DDAH1: variants seen among roughly 807,000 people sequenced by gnomAD.
The protein encoded by DDAH1 is dimethylarginine dimethylaminohydrolase 1, also known as N(G),N(G)-dimethylarginine dimethylaminohydrolase 1.
In DDAH1, 19 loss-of-function variants were observed where a neutral mutation model predicts 28.8. The observed-to-expected ratio is 0.66, with a 90% confidence interval of 0.46 to 0.97. The LOEUF (loss-of-function observed/expected upper bound fraction) is 0.97, where lower values mean the gene tolerates loss of function less well. Ranked by LOEUF, DDAH1 falls within the 50% of genes least tolerant of loss-of-function variation. DDAH1 has a pLI of 0.00. For missense variants in DDAH1, 326 were observed against 375.9 expected, an observed-to-expected ratio of 0.87 and a Z score of 1.10; for synonymous variants, 153 against 154.4, an observed-to-expected ratio of 0.99 and a Z score of 0.07.
chr1:85,487,563 G>A (rs969666167), intron 2 of DDAH1, among the ~76,000 whole-genome samples: 32 of 151,922 alleles, frequency 2.1e-4, no homozygotes, highest in Admixed American at 2.1e-3. Context: ...AAATGTTTTT[G>A]TTATTAAATG....
intron 1 of DDAH1, among the ~76,000 whole-genome samples, chr1:85,501,494 A>G (rs1656817195): frequency 6.6e-6 from 1 of 152,168 alleles, no homozygotes; most frequent in African/African-American, 2.4e-5. Flanking sequence ...TTGTCCAAAG[A>G]CTTTATAGTA....
At chr1:85,359,241 A>G (rs1444387812) in intron 1 of DDAH1, among the ~76,000 whole-genome samples, 3 of 152,170 alleles carry the variant, frequency 2.0e-5, no homozygotes, top group Non-Finnish European at 4.4e-5. Flanking sequence ...CATTTGTTAG[A>G]GGTTGACTAG....
chr1:85,522,373 T>C (rs1376706629), intron 1 of DDAH1, among the ~76,000 whole-genome samples: 13 of 104,652 alleles, frequency 1.2e-4, no homozygotes, highest in Non-Finnish European at 1.8e-4. Context: ...AGTACATTTA[T>C]TTATTCTAAA....
chr1:85,430,640 T>A (rs1185100939), intron 1 of DDAH1, among the ~76,000 whole-genome samples: 1 of 152,178 alleles, frequency 6.6e-6, no homozygotes, highest in East Asian at 1.9e-4. Flanking sequence ...GATTCCTAAG[T>A]ATTTTATTCT....
intron 2 of DDAH1, chr1:85,495,797 A>T (rs1255041949): frequency 6.6e-6 from 1 of 152,194 alleles, no homozygotes; most frequent in African/African-American, 2.4e-5. Context: ...CTACCTGAAC[A>T]CCCAGAGCTG....
intron 1 of DDAH1, among the ~76,000 whole-genome samples, chr1:85,460,242 AC>A (rs1470707269): frequency 2.6e-5 from 4 of 152,242 alleles, no homozygotes; most frequent in Non-Finnish European, 4.4e-5. Context: ...CAGAGAATAA[AC>A]CCAGAACCAA....
At chr1:85,427,092 T>C (rs891859586) in intron 1 of DDAH1, among the ~76,000 whole-genome samples, 8 of 152,048 alleles carry the variant, frequency 5.3e-5, no homozygotes, top group Non-Finnish European at 8.8e-5. Flanking sequence ...CACAGGATCA[T>C]AGTTAGTGCC....
chr1:85,508,111 G>C, intron 1 of DDAH1, among the ~76,000 whole-genome samples: 1 of 152,140 alleles, frequency 6.6e-6, no homozygotes, highest in East Asian at 1.9e-4. Flanking sequence ...CTTCTCCTTT[G>C]TACTTTTTAC....
chr1:85,546,231 A>G (rs1658622369), intron 1 of DDAH1, among the ~76,000 whole-genome samples: 1 of 152,002 alleles, frequency 6.6e-6, no homozygotes, highest in Non-Finnish European at 1.5e-5. Context: ...CTCTGCCCTC[A>G]TGAATGGATT....
chr1:85,536,948 CATATATATATATATATAT>C (rs202209648), intron 1 of DDAH1, among the ~76,000 whole-genome samples: 7 of 91,842 alleles, frequency 7.6e-5, no homozygotes, highest in African/African-American at 2.0e-4. Flanking sequence ...GAAAATGTGG[CATATATATATATATATAT>C]ATATATATAT....
At chr1:85,413,475 C>G (rs1652751990) in intron 1 of DDAH1, among the ~76,000 whole-genome samples, 1 of 152,182 alleles carries the variant, frequency 6.6e-6, no homozygotes, top group African/African-American at 2.4e-5. Context: ...AAGTCCAAGA[C>G]CAACAGGGCA....
At chr1:85,432,173 C>T (rs1307338726) in intron 1 of DDAH1, among the ~76,000 whole-genome samples, 2 of 152,166 alleles carry the variant, frequency 1.3e-5, no homozygotes, top group Admixed American at 1.3e-4. Flanking sequence ...TCCTGTTTGG[C>T]AGTCCTAGAG....
chr1:85,336,188 G>T (rs910831038), intron 4 of DDAH1, among the ~76,000 whole-genome samples: 1 of 152,010 alleles, frequency 6.6e-6, no homozygotes, highest in African/African-American at 2.4e-5. Flanking sequence ...TCCAATAGCT[G>T]CAGAATACAC....
At chr1:85,323,720 G>T (rs187890854) in intron 5 of DDAH1, among the ~76,000 whole-genome samples, 3 of 152,230 alleles carry the variant, frequency 2.0e-5, no homozygotes, top group African/African-American at 7.2e-5. Flanking sequence ...GCTCATGCCT[G>T]TGCACTTTGG....
At chr1:85,475,191 T>A (rs1411190032) in intron 2 of DDAH1, among the ~76,000 whole-genome samples, 1 of 152,194 alleles carries the variant, frequency 6.6e-6, no homozygotes, top group Non-Finnish European at 1.5e-5. Flanking sequence ...TCAGTATTTT[T>A]CCATTTGTAA....
intron 1 of DDAH1, among the ~76,000 whole-genome samples, chr1:85,549,942 C>T (rs191179516): frequency 6.6e-6 from 1 of 151,634 alleles, no homozygotes; most frequent in African/African-American, 2.4e-5. Context: ...CTCTTCCAGA[C>T]CTTTAATTTC....
chr1:85,450,138 T>C (rs1269869025), intron 1 of DDAH1, among the ~76,000 whole-genome samples: 1 of 152,210 alleles, frequency 6.6e-6, no homozygotes, highest in Non-Finnish European at 1.5e-5. Flanking sequence ...GGACACTTAC[T>C]GGTATTTTTA....
Position 85,319,860 on chromosome 1 carries a change from G to C in DDAH1, c.*1592C>G, listed in dbSNP as rs1179583236. 3 of 25,212 alleles carry C rather than the reference G, an allele frequency of 1.2e-4. No homozygotes were observed. Among genetic ancestry groups the C allele is most frequent in the Non-Finnish European group, 2.7e-4 (3 of 11,150 alleles). 1.6% of individuals were successfully genotyped at this position (25,212 alleles called of 1,614,324 possible). On this transcript the variant is annotated 3_prime_UTR_variant, in exon 6 of 6. Transcript: ENST00000284031. ...TTAAGGATGTTTTCATTTTCTCAGA[G>C]GTTTCTCCTTCCATCTGCTACGGGG...
At chr1:85,351,463 TA>T in intron 3 of DDAH1, 42 bp downstream of exon 3, 1 of 1,450,376 alleles carries the variant, frequency 6.9e-7, no homozygotes. Flanking sequence ...GATTATTTAT[TA>T]AGTAATTGCT....
Sources: gnomAD v4.1 joint callset for allele counts (sites outside exome capture counted in the v4.1 genomes callset) on GRCh38, gnomAD v4.1.1 for gene constraint, MANE v1.5 for transcripts, NCBI Gene and HGNC (gene_info 2026-07-23, HGNC 2026-07-21) for gene names.